BMPR2: variants seen among roughly 807,000 people sequenced by gnomAD.
BMPR2 encodes the protein bone morphogenetic protein receptor type-2.
BMPR2 carries 29 observed loss-of-function variants against 100.8 expected under a neutral mutation model. The ratio of observed to expected loss-of-function variants is 0.29; its 90% confidence interval spans 0.21 to 0.39. The LOEUF is 0.39. BMPR2 is among the 10% of genes least tolerant of loss of function. The probability of loss-of-function intolerance (pLI) is 1.00; values close to 1 mark genes in which losing one functional copy is unlikely to be tolerated. For synonymous variants in BMPR2, 382 were observed against 442.3 expected, an observed-to-expected ratio of 0.86 and a Z score of 1.71; for missense variants, 1,011 against 1,274.5, an observed-to-expected ratio of 0.79 and a Z score of 3.15.
chr2:202,384,530 C>CTTTCTTTCTT (rs1426768146), intron 1 of BMPR2, among the ~76,000 whole-genome samples: 6 of 107,714 alleles, frequency 5.6e-5, no homozygotes, highest in African/African-American at 2.5e-4. Context: ...TTCTTTCTTT[C>CTTTCTTTCTT]TCTTTCTTTC....
chr2:202,399,920 C>T (rs1030675013), intron 1 of BMPR2, among the ~76,000 whole-genome samples: 5 of 152,164 alleles, frequency 3.3e-5, no homozygotes, highest in East Asian at 1.9e-4. Flanking sequence ...CAGACCAATC[C>T]GGGGAGCATA....
chr2:202,398,974 C>T (rs189303682), intron 1 of BMPR2, among the ~76,000 whole-genome samples: 2 of 152,154 alleles, frequency 1.3e-5, no homozygotes, highest in Non-Finnish European at 2.9e-5. Flanking sequence ...ACTAAAAATA[C>T]AAAATTAGCT....
At chr2:202,394,656 T>C (rs1300803197) in intron 1 of BMPR2, among the ~76,000 whole-genome samples, 1 of 152,114 alleles carries the variant, frequency 6.6e-6, no homozygotes, top group African/African-American at 2.4e-5. Flanking sequence ...TAAAAATAAT[T>C]ATTGAATTAT....
chr2:202,431,965 AC>A (rs1419680366), intron 1 of BMPR2, among the ~76,000 whole-genome samples: 1 of 150,558 alleles, frequency 6.6e-6, no homozygotes, highest in Non-Finnish European at 1.5e-5. Flanking sequence ...TAAGTTTCTT[AC>A]GTTTTTCCAG....
intron 9 of BMPR2, among the ~76,000 whole-genome samples, chr2:202,535,821 G>C (rs1210403108): frequency 1.3e-5 from 2 of 152,216 alleles, no homozygotes; most frequent in East Asian, 3.9e-4. Flanking sequence ...ACGAGACTCC[G>C]TCTGCAATCC....
intron 1 of BMPR2, among the ~76,000 whole-genome samples, chr2:202,448,337 C>T (rs2105945265): frequency 6.6e-6 from 1 of 150,764 alleles, no homozygotes; most frequent in East Asian, 2.0e-4. Context: ...GTCCCAGCTA[C>T]TCGGGAGGCT....
intron 1 of BMPR2, among the ~76,000 whole-genome samples, chr2:202,384,728 G>A (rs996323343): frequency 1.3e-5 from 2 of 151,768 alleles, no homozygotes; most frequent in African/African-American, 4.8e-5. Flanking sequence ...TGAGTAGCTG[G>A]GATTACAGGC....
intron 1 of BMPR2, among the ~76,000 whole-genome samples, chr2:202,384,722 T>C (rs1690391842): frequency 1.3e-5 from 2 of 151,846 alleles, no homozygotes; most frequent in South Asian, 4.2e-4. Flanking sequence ...GCCTCCTGAG[T>C]AGCTGGGATT....
intron 11 of BMPR2, among the ~76,000 whole-genome samples, chr2:202,553,657 CT>C (rs958711332): frequency 1.6e-4 from 23 of 146,424 alleles, no homozygotes; most frequent in South Asian, 4.3e-4. Flanking sequence ...ATTCTTGAAA[CT>C]TTTTTTTTTT....
intron 3 of BMPR2, among the ~76,000 whole-genome samples, chr2:202,480,264 C>T (rs1237875939): frequency 1.3e-5 from 2 of 152,110 alleles, no homozygotes; most frequent in Admixed American, 1.3e-4. Context: ...TCCCGAGTAG[C>T]TGGGATTACA....
intron 7 of BMPR2, among the ~76,000 whole-genome samples, chr2:202,525,245 T>C (rs907563330): frequency 1.3e-5 from 2 of 152,092 alleles, no homozygotes; most frequent in Admixed American, 1.3e-4. Context: ...TGAGTCTCGC[T>C]CTGTTCCCCA....
At chr2:202,399,742 A>G (rs2105909577) in intron 1 of BMPR2, among the ~76,000 whole-genome samples, 1 of 152,336 alleles carries the variant, frequency 6.6e-6, no homozygotes, top group Non-Finnish European at 1.5e-5. Flanking sequence ...ACTGTCAAGT[A>G]GCATTTTGGT....
At chr2:202,442,035 C>CA (rs1239815878) in intron 1 of BMPR2, among the ~76,000 whole-genome samples, 3,063 of 132,214 alleles carry the variant, frequency 0.023, 63 homozygotes, top group Non-Finnish European at 0.035. Flanking sequence ...CTTTGTCTCT[C>CA]AAAAAAAAAA....
Position 202,421,323 on chromosome 2 carries a change from A to G in BMPR2, c.77-43486A>G, listed in dbSNP as rs184809675. ...CATCTCCAAAAGGAAAAAAAAAAAA[A>G]AAAAAGTTTAAAACCAGGTCAGGAC... is the stretch of plus-strand genomic sequence containing the variant. On this transcript the variant is annotated intron_variant, in intron 1 of 12. Coordinates refer to ENST00000374580, the MANE Select transcript of BMPR2 (RefSeq NM_001204.7). Among the ~76,000 whole-genome samples the G allele has an allele frequency of 3.6e-3, 551 of 151,784 alleles. 10 individuals carry two copies. Among genetic ancestry groups the G allele is most frequent in the African/African-American group, 0.013 (536 of 41,394 alleles).
intron 10 of BMPR2, among the ~76,000 whole-genome samples, chr2:202,544,814 G>GA (rs1321353295): frequency 1.4e-5 from 2 of 140,624 alleles, no homozygotes; most frequent in African/African-American, 5.3e-5. Context: ...ATTCTGGCTG[G>GA]AGTATAGTGG....
At chr2:202,421,161 G>A (rs1691254486) in intron 1 of BMPR2, among the ~76,000 whole-genome samples, 1 of 151,892 alleles carries the variant, frequency 6.6e-6, no homozygotes, top group Non-Finnish European at 1.5e-5. Flanking sequence ...TGAGACAGGA[G>A]AATCGCTTGA....
chr2:202,428,657 T>G (rs1691441903), intron 1 of BMPR2, among the ~76,000 whole-genome samples: 1 of 152,140 alleles, frequency 6.6e-6, no homozygotes, highest in South Asian at 2.1e-4. Flanking sequence ...TCCTGCCTGC[T>G]CAGCCTCCCA....
intron 3 of BMPR2, among the ~76,000 whole-genome samples, chr2:202,476,304 A>T (rs1200277650): frequency 6.6e-6 from 1 of 152,048 alleles, no homozygotes; most frequent in East Asian, 1.9e-4. Flanking sequence ...ATTTCCTTAT[A>T]ATGTGCTCTC....
intron 3 of BMPR2, among the ~76,000 whole-genome samples, chr2:202,472,576 T>C (rs1692456974): frequency 6.6e-6 from 1 of 152,202 alleles, no homozygotes; most frequent in African/African-American, 2.4e-5. Context: ...GAAGAATCAC[T>C]TGAACCCAGG....
Sources: allele counts gnomAD v4.1 joint callset (sites outside exome capture counted in the v4.1 genomes callset), GRCh38; gene constraint gnomAD v4.1.1; transcripts MANE v1.5; gene names NCBI Gene and HGNC (gene_info 2026-07-23, HGNC 2026-07-21).